ELL: variants seen among roughly 807,000 people sequenced by gnomAD.
ELL encodes elongation factor for RNA polymerase II.
Under a neutral mutation model 64.0 loss-of-function variants are expected in ELL, and 18 were observed. That is an observed-to-expected ratio of 0.28 (90% confidence interval 0.19 to 0.42). The LOEUF (loss-of-function observed/expected upper bound fraction) is 0.42, where lower values mean the gene tolerates loss of function less well. Ranked by LOEUF, ELL falls within the 10% of genes least tolerant of loss-of-function variation. The pLI is 1.00. For missense variants in ELL, 797 were observed against 870.4 expected, an observed-to-expected ratio of 0.92 and a Z score of 1.06; for synonymous variants, 399 against 376.2, an observed-to-expected ratio of 1.06 and a Z score of -0.70.
At chr19:18,484,586 GCCATGGTT>G (rs1235006950) in intron 1 of ELL, among the ~76,000 whole-genome samples, 1 of 152,236 alleles carries the variant, frequency 6.6e-6, no homozygotes, top group African/African-American at 2.4e-5. Context: ...GCTGCAGTGA[GCCATGGTT>G]CCACCACTGC....
intron 1 of ELL, among the ~76,000 whole-genome samples, chr19:18,484,129 CAG>C (rs1975362976): frequency 6.6e-6 from 1 of 152,262 alleles, no homozygotes; most frequent in Non-Finnish European, 1.5e-5. Flanking sequence ...GTGTCTGAAA[CAG>C]AGCAAATCTG....
At chr19:18,452,359 C>T (rs1335569965) in intron 6 of ELL, among the ~76,000 whole-genome samples, 1 of 152,230 alleles carries the variant, frequency 6.6e-6, no homozygotes, top group Non-Finnish European at 1.5e-5. Context: ...AGCCCATCTC[C>T]CTAACAAATG....
rs751206953 is a variant in ELL at position 18,446,477 on chromosome 19, C to T, written c.1536G>A (p.Lys512=). Residue 512 remains lysine, a synonymous_variant, in exon 10 of 12, where the codon AAG becomes AAA. Transcript: ENST00000262809. ...STSETPDYLL[K]YAAISSSEQR... ...GCTCCGAAGAGGAGATGGCTGCGTA[C>T]TTCCTGAAACAGGAGAGAGGGGCCA... 2 of 1,611,470 alleles carry T rather than the reference C, an allele frequency of 1.2e-6. No individual in the cohort carries two copies. Among genetic ancestry groups the T allele is most frequent in the South Asian group, 1.1e-5 (1 of 90,738 alleles).
intron 1 of ELL, among the ~76,000 whole-genome samples, chr19:18,496,527 CTTT>C (rs35231179): frequency 6.7e-6 from 1 of 148,980 alleles, no homozygotes; most frequent in African/African-American, 2.5e-5. Flanking sequence ...CAGGTAACAA[CTTT>C]TTTTTTTTTT....
At chr19:18,467,142 C>T (rs1304866597) in intron 2 of ELL, among the ~76,000 whole-genome samples, 1 of 152,170 alleles carries the variant, frequency 6.6e-6, no homozygotes, top group East Asian at 1.9e-4. Flanking sequence ...CCAGTCCCTG[C>T]TCCCAAGACA....
intron 1 of ELL, among the ~76,000 whole-genome samples, chr19:18,503,559 A>T (rs1464097511): frequency 6.6e-6 from 1 of 152,174 alleles, no homozygotes; most frequent in African/African-American, 2.4e-5. Flanking sequence ...ATCTAGTAAC[A>T]GTTCACCAAG....
intron 7 of ELL, 93 bp from the exon 8 acceptor site, chr19:18,451,068 C>A: frequency 7.1e-7 from 1 of 1,403,044 alleles, no homozygotes; most frequent in South Asian, 1.8e-5. Context: ...CCCAACGCCG[C>A]CTGCAAGGCC....
chr19:18,489,759 G>A (rs2144952482), intron 1 of ELL, among the ~76,000 whole-genome samples: 1 of 152,214 alleles, frequency 6.6e-6, no homozygotes, highest in Admixed American at 6.5e-5. Flanking sequence ...CATCAGAGAG[G>A]CTTTCCAACT....
Position 18,449,404 on chromosome 19 carries a change from C to G in ELL, c.1465+1073G>C, listed in dbSNP as rs537300225. On this transcript the variant is annotated intron_variant, in intron 8 of 11. Transcript: ENST00000262809. The surrounding 1 kb of genome is among the most constrained non-coding windows in gnomAD (Gnocchi z 4.4). The stretch of plus-strand genomic sequence containing the variant: ...GTAAGGCCACCTTCTCCCCGTCGGC[C>G]CCCACATGCAGTCCCACGGGAGGTG... Among the ~76,000 whole-genome samples the G allele has an allele frequency of 2.2e-4, 34 of 152,220 alleles. No individual in the cohort carries two copies. The highest frequency in any genetic ancestry group is 4.6e-4 in the Admixed American group (7 of 15,298).
intron 2 of ELL, among the ~76,000 whole-genome samples, chr19:18,467,732 C>CCA (rs559721115): frequency 1.5e-5 from 2 of 131,510 alleles, no homozygotes; most frequent in Admixed American, 7.7e-5. Flanking sequence ...CACACAATCC[C>CCA]CACACACACA....
chr19:18,507,932 C>A (rs1440536121), intron 1 of ELL, among the ~76,000 whole-genome samples: 1 of 152,182 alleles, frequency 6.6e-6, no homozygotes, highest in Non-Finnish European at 1.5e-5. Flanking sequence ...TGACTCCATG[C>A]GGCAGCTGCT....
chr19:18,521,855 G>T (rs2144988667), intron 1 of ELL, 66 bp downstream of exon 1: 2 of 1,517,262 alleles, frequency 1.3e-6, no homozygotes, highest in Non-Finnish European at 1.8e-6. Context: ...GCCTCAGTGA[G>T]GGGAGCGCGA....
In ELL at chr19:18,443,503, C is replaced by A. The variant is rs1974337658; in HGVS notation, c.*1249G>T. ...CACAGCCGCCATCCACCCCCCACCA[C>A]CTTTCCAAGTCATGGCTTCATTCAG... On this transcript the variant is annotated 3_prime_UTR_variant, in exon 12 of 12. Transcript: ENST00000262809. The A allele has an allele frequency of 4.3e-6, 1 of 233,418 alleles. No homozygotes were observed. 14.5% of individuals were successfully genotyped at this position (233,418 alleles called of 1,614,324 possible).
In ELL at chr19:18,483,040, C is replaced by CAA. The variant is rs1600473811; in HGVS notation, c.136-10160_136-10159dup. Among the ~76,000 whole-genome samples the CAA allele has an allele frequency of 2.0e-5, 3 of 152,248 alleles. No individual in the cohort carries two copies. The East Asian group carries it at 5.8e-4, about 29-fold the overall frequency. ...AAGCGATCCTCTCACCTCAACTTCT[C>CAA]AAAGTGCTGGGATTATAAGCGTGAG... On this transcript the variant is annotated intron_variant, in intron 1 of 11. Transcript: ENST00000262809.
In ELL at chr19:18,450,611, G is replaced by A. The variant is rs745557479; in HGVS notation, c.1331C>T (p.Ser444Leu). 3.2e-5 allele frequency: 52 copies of A among 1,611,116 alleles called. No homozygotes were observed. Among genetic ancestry groups the A allele is most frequent in the Non-Finnish European group, 3.9e-5 (46 of 1,179,224 alleles). ...GGACTTCTTCTTGGGCTTGCTGCGC[G>A]AGGGGCTGCCGTGTGGCCTGCTGGG... ...AQPSRPHGSP[S>L]RSKPKKKSKK... The change falls in exon 8 of 12, where the codon TCG (serine) becomes TTG (leucine). Residue 444 changes from serine to leucine, a missense_variant. Transcript: ENST00000262809.
intron 6 of ELL, among the ~76,000 whole-genome samples, chr19:18,453,915 C>G (rs778935675): frequency 5.9e-5 from 9 of 152,196 alleles, no homozygotes; most frequent in Non-Finnish European, 1.3e-4. Flanking sequence ...GATTACATGT[C>G]AGCCACACAG....
chr19:18,466,107 C>A (rs1022717867), intron 2 of ELL, among the ~76,000 whole-genome samples, 189 bp from the exon 3 acceptor site: 1 of 152,190 alleles, frequency 6.6e-6, no homozygotes, highest in Non-Finnish European at 1.5e-5. Flanking sequence ...ACACACACTG[C>A]GTAGAGAGGG....
At chr19:18,484,924 T>C (rs1014048790) in intron 1 of ELL, among the ~76,000 whole-genome samples, 1 of 152,206 alleles carries the variant, frequency 6.6e-6, no homozygotes, top group Non-Finnish European at 1.5e-5. Context: ...ACAGTGACCA[T>C]GATCTGATCA....
intron 1 of ELL, among the ~76,000 whole-genome samples, chr19:18,486,095 C>T (rs894683213): frequency 1.3e-5 from 2 of 152,176 alleles, no homozygotes; most frequent in Non-Finnish European, 2.9e-5. Flanking sequence ...CACAGCCACC[C>T]CCTGCTGACC....
Sources: allele counts gnomAD v4.1 joint callset (sites outside exome capture counted in the v4.1 genomes callset), GRCh38; gene constraint gnomAD v4.1.1; non-coding constraint Gnocchi (gnomAD v3.1); transcripts MANE v1.5; gene names NCBI Gene and HGNC (gene_info 2026-07-23, HGNC 2026-07-21).